Variants in GALNT11 observed in about 807,000 individuals in gnomAD.
GALNT11 encodes UDP-GalNAc:polypeptide N-acetylgalactosaminyltransferase 11.
Under a neutral mutation model 72.7 loss-of-function variants are expected in GALNT11, and 47 were observed. The ratio of observed to expected loss-of-function variants is 0.65; its 90% CI spans 0.51 to 0.82. The LOEUF (loss-of-function observed/expected upper bound fraction) is 0.82, where lower values mean the gene tolerates loss of function less well. GALNT11 is among the 40% of genes least tolerant of loss of function. The pLI is 0.00. For missense variants in GALNT11, 677 were observed against 778.4 expected (o/e 0.87, Z 1.55); for synonymous variants, 270 against 286.6 (o/e 0.94, Z 0.58).
intron 1 of GALNT11, among the ~76,000 whole-genome samples, chr7:152,089,210 A>G (rs1379935950): frequency 6.6e-6 from 1 of 152,150 alleles, no homozygotes; most frequent in South Asian, 2.1e-4. Flanking sequence ...GTCTTTGTGC[A>G]CAGAGTTCAC....
Position 152,064,612 on chromosome 7 carries a change from T to C in GALNT11, c.-38-29578T>C, listed in dbSNP as rs575889129. Among the ~76,000 whole-genome samples the C allele has an allele frequency of 2.2e-4, 33 of 152,370 alleles. No individual in the cohort carries two copies. The South Asian group carries it at 6.6e-3, about 31-fold the overall frequency. ...GGTACCGGTTGTTCCTCTCCATCTT[T>C]AGTGCTTCCTTCAGGAGCTCTTTTA... On this transcript the variant is annotated intron_variant, in intron 1 of 11. Transcript: ENST00000430044.
chr7:152,116,863 AG>A (rs1466920997), intron 8 of GALNT11: 2 of 544,872 alleles, frequency 3.7e-6, no homozygotes, highest in Admixed American at 4.5e-5. Context: ...AATAATTTGT[AG>A]GTTTCTCTGT....
intron 1 of GALNT11, among the ~76,000 whole-genome samples, chr7:152,048,836 G>T (rs1213312213): frequency 1.3e-5 from 2 of 151,382 alleles, no homozygotes; most frequent in African/African-American, 4.9e-5. Context: ...TGTCTCTTCT[G>T]ACTCTGTATG....
At chr7:152,029,821 C>A (rs768856324) in intron 1 of GALNT11, among the ~76,000 whole-genome samples, 2 of 152,170 alleles carry the variant, frequency 1.3e-5, no homozygotes, top group African/African-American at 2.4e-5. Context: ...TCTGGTCGGA[C>A]CTTTGTATGG....
chr7:152,070,648 A>G (rs939623729), intron 1 of GALNT11, among the ~76,000 whole-genome samples: 1 of 152,154 alleles, frequency 6.6e-6, no homozygotes, highest in African/African-American at 2.4e-5. Flanking sequence ...TTGTAATTAT[A>G]TTGGGTCTAC....
chr7:152,063,384 C>G (rs1217934800), intron 1 of GALNT11, among the ~76,000 whole-genome samples: 2 of 152,100 alleles, frequency 1.3e-5, no homozygotes, highest in African/African-American at 4.8e-5. Context: ...AGCGGTCTAT[C>G]AATTTTGCTG....
intron 1 of GALNT11, among the ~76,000 whole-genome samples, chr7:152,061,791 G>A (rs1177473906): frequency 6.6e-6 from 1 of 152,166 alleles, no homozygotes; most frequent in East Asian, 1.9e-4. Context: ...TTATAGATGT[G>A]TGGTATTATT....
chr7:152,025,857 G>T lies in GALNT11; in HGVS notation c.-66G>T, dbSNP rs2081979285. On this transcript the variant is annotated 5_prime_UTR_variant, in exon 1 of 12. Transcript: ENST00000430044. ...GATGCCGCAGCCCGAGTCCCAGAAG[G>T]CGGCGATCCTGGGCTGCGGGCAAGG... 1 of 285,030 alleles carries T rather than the reference G, an allele frequency of 3.5e-6. No individual in the cohort carries two copies. The highest frequency in any genetic ancestry group is 2.7e-5 in the South Asian group (1 of 36,410). The allele number at this position is 285,030 out of a possible 1,614,324, so 17.7% of individuals were successfully genotyped here. A position where few individuals can be genotyped will look rare whatever the true frequency, so the allele number is the denominator to read the frequency against.
Position 152,112,727 on chromosome 7 carries a change from G to A in GALNT11, c.1081-519G>A, listed in dbSNP as rs1260993906. Among the ~76,000 whole-genome samples, 8 of 151,862 alleles carry A rather than the reference G, an allele frequency of 5.3e-5. No homozygotes were observed. The East Asian group carries it at 1.5e-3, about 29-fold the overall frequency. On this transcript the variant is annotated intron_variant, in intron 7 of 11. Coordinates refer to ENST00000430044, the MANE Select transcript of GALNT11 (RefSeq NM_022087.4). ...ACTCCAAAGTAATTCAGATAGTCAAGGACAGAATTTAGACCAGAGCTAAGG... is the reference window on the plus strand; with the variant it reads ...ACTCCAAAGTAATTCAGATAGTCAAAGACAGAATTTAGACCAGAGCTAAGG...
chr7:152,100,871 C>G lies in GALNT11; in HGVS notation c.369C>G (p.Ile123Met), dbSNP rs2086821960. The change falls in exon 3 of 12, where the codon ATC becomes ATG. Residue 123 changes from isoleucine (I) to methionine (M), a missense_variant. Physicochemically the swap from Ile to Met is conservative, Grantham distance 10. Transcript: ENST00000430044. ...GYQKHAFNML[I>M]SDRLGYHRDV... ...AGAAACATGCTTTTAATATGCTTATCAGTGACCGCTTGGGCTACCACAGAG... is the reference window on the plus strand; with the variant it reads ...AGAAACATGCTTTTAATATGCTTATGAGTGACCGCTTGGGCTACCACAGAG... The G allele has an allele frequency of 6.2e-7, 1 of 1,613,902 alleles. No homozygotes were observed. Among genetic ancestry groups the G allele is most frequent in the African/African-American group, 1.3e-5 (1 of 74,902 alleles).
chr7:152,099,797 C>T (rs1215254977), intron 2 of GALNT11, among the ~76,000 whole-genome samples: 1 of 115,184 alleles, frequency 8.7e-6, no homozygotes, highest in Non-Finnish European at 1.8e-5. Flanking sequence ...CAGGATCTCA[C>T]TCTGTCACCC....
intron 1 of GALNT11, among the ~76,000 whole-genome samples, chr7:152,080,047 G>C (rs1333285905): frequency 6.6e-6 from 1 of 152,164 alleles, no homozygotes; most frequent in African/African-American, 2.4e-5. Flanking sequence ...TTTCTCATTA[G>C]TCTTGTGGTA....
At chr7:152,074,450 T>C (rs2084833128) in intron 1 of GALNT11, 1 of 152,212 alleles carries the variant, frequency 6.6e-6, no homozygotes, top group Non-Finnish European at 1.5e-5. Flanking sequence ...GCTGTAGATA[T>C]TGTGGATTGA....
In GALNT11 at chr7:152,056,729, A is replaced by G. The variant is rs753031446; in HGVS notation, c.-39+30845A>G. Among the ~76,000 whole-genome samples, 97 of 152,220 alleles carry G rather than the reference A, an allele frequency of 6.4e-4. 3 individuals carry two copies. The highest frequency in any genetic ancestry group is 1.5e-4 in the Non-Finnish European group (10 of 68,040). On this transcript the variant is annotated intron_variant, in intron 1 of 11. Transcript: ENST00000430044. The stretch of plus-strand genomic sequence containing the variant: ...CCTTTGACTCCATGGACAAGACTCA[A>G]CTAAATCATGTGGACACATTATAAC...
Position 152,079,881 on chromosome 7 carries a change from A to C in GALNT11, c.-38-14309A>C, listed in dbSNP as rs886197325. On this transcript the variant is annotated intron_variant, in intron 1 of 11. Coordinates refer to ENST00000430044, the MANE Select transcript of GALNT11 (RefSeq NM_022087.4). ...TGCCTCTTTTATGGAAAAAGCTAAT[A>C]AATATTTGCTGTTTGACAATTTGTA... Among the ~76,000 whole-genome samples the C allele has an allele frequency of 2.0e-5, 3 of 152,288 alleles. No homozygotes were observed. In the East Asian group the frequency reaches 5.8e-4, roughly 29 times the overall value.
intron 2 of GALNT11, among the ~76,000 whole-genome samples, chr7:152,098,332 T>G (rs1294727228): frequency 6.6e-6 from 1 of 151,734 alleles, no homozygotes; most frequent in Non-Finnish European, 1.5e-5. Flanking sequence ...CAGCTACTTA[T>G]GAGGATTGTT....
chr7:152,035,447 G>A (rs1054964292), intron 1 of GALNT11, among the ~76,000 whole-genome samples: 1 of 152,150 alleles, frequency 6.6e-6, no homozygotes, highest in African/African-American at 2.4e-5. Context: ...TAGGATAGAT[G>A]GGCGAGTCTC....
At chr7:152,039,995 C>T (rs2152003870) in intron 1 of GALNT11, among the ~76,000 whole-genome samples, 1 of 152,148 alleles carries the variant, frequency 6.6e-6, no homozygotes, top group South Asian at 2.1e-4. Flanking sequence ...TTCCCCCTTT[C>T]TGTTTTTGCA....
At chr7:152,105,947 TC>T (rs1201049965) in intron 5 of GALNT11, among the ~76,000 whole-genome samples, 6 of 152,170 alleles carry the variant, frequency 3.9e-5, no homozygotes, top group Non-Finnish European at 1.5e-5. Context: ...TACACTGCTC[TC>T]CCCCTTTAAA....
Sources: gnomAD v4.1 joint callset for allele counts (sites outside exome capture counted in the v4.1 genomes callset) on GRCh38, gnomAD v4.1.1 for gene constraint, MANE v1.5 for transcripts, NCBI Gene and HGNC (gene_info 2026-07-23, HGNC 2026-07-21) for gene names.